TEP1: variants seen among roughly 807,000 people sequenced by gnomAD.
TEP1 encodes telomerase protein component 1.
In TEP1, 241 loss-of-function variants were observed where a neutral mutation model predicts 306.3. The observed-to-expected ratio is 0.79, with a 90% confidence interval of 0.71 to 0.88. The LOEUF is 0.88. Ranked by LOEUF, TEP1 falls within the 40% of genes least tolerant of loss-of-function variation. TEP1 has a pLI of 0.00. For missense variants in TEP1, 3,051 were observed against 3,276.1 expected (o/e 0.93, Z 1.68); for synonymous variants, 1,289 against 1,305.5 (o/e 0.99, Z 0.27).
intron 46 of TEP1, 51 bp downstream of exon 46, chr14:20,373,456 T>C (rs1431272409): frequency 6.2e-7 from 1 of 1,613,910 alleles, no homozygotes; most frequent in Admixed American, 1.7e-5. Context: ...CAGAAGGTTA[T>C]TCCGCATACC....
At chr14:20,384,757 A>C (rs1173450017) in intron 21 of TEP1, 44 bp from the exon 22 acceptor site, 4 of 1,577,852 alleles carry the variant, frequency 2.5e-6, no homozygotes, top group Non-Finnish European at 2.6e-6. Flanking sequence ...CTCAGACCCC[A>C]GCCAGCCTCC....
At chr14:20,387,547 G>A (rs570712065) in intron 18 of TEP1, among the ~76,000 whole-genome samples, 14 of 75,958 alleles carry the variant, frequency 1.8e-4, no homozygotes, top group South Asian at 8.5e-4. Flanking sequence ...GCGAGACTCC[G>A]TCTCAAAAAA....
At chr14:20,379,201 A>T in intron 35 of TEP1, 96 bp from the exon 36 acceptor site, 1 of 1,493,206 alleles carries the variant, frequency 6.7e-7, no homozygotes, top group Non-Finnish European at 9.0e-7. Context: ...GCCAAGGCAC[A>T]AAGGCCATGA....
At position 20,381,049 on chromosome 14, in the gene TEP1, A is replaced by T; in HGVS notation, c.4648-4T>A. The T allele has an allele frequency of 6.2e-7, 1 of 1,612,576 alleles. No individual in the cohort carries two copies. Among genetic ancestry groups the T allele is most frequent in the Non-Finnish European group, 8.5e-7 (1 of 1,178,556 alleles). On this transcript the variant is annotated splice_polypyrimidine_tract_variant and splice_region_variant and intron_variant, in intron 32 of 54. Coordinates refer to ENST00000262715, the MANE Select transcript of TEP1 (RefSeq NM_007110.5). The surrounding 1 kb of genome is among the most constrained non-coding windows in gnomAD (Gnocchi z 4.0). ...GTCCACGGTTCCCGCTCTGGAGCTG[A>T]GAAGGTCAGATTGAATTCATTAGGG... is the stretch of plus-strand genomic sequence containing the variant.
chr14:20,393,683 T>A (rs901147204), intron 12 of TEP1, among the ~76,000 whole-genome samples: 1 of 151,972 alleles, frequency 6.6e-6, no homozygotes, highest in Non-Finnish European at 1.5e-5. Context: ...TCCCAGCTAC[T>A]TGGGAGTCTG....
At chr14:20,386,335 G>A (rs746097653) in intron 19 of TEP1, 112 bp downstream of exon 19, 18 of 1,577,954 alleles carry the variant, frequency 1.1e-5, no homozygotes, top group Admixed American at 1.1e-4. Context: ...TCCAAGGAGC[G>A]ACTCCCGCCT....
Position 20,372,779 on chromosome 14 carries a change from C to T in TEP1, c.7030G>A (p.Glu2344Lys), listed in dbSNP as rs1480060166. The change falls in exon 49 of 55, where the codon GAG (glutamate) becomes AAG (lysine). Residue 2344 changes from glutamate to lysine, a missense_variant. Physicochemically the swap from Glu to Lys is moderately conservative, Grantham distance 56 (BLOSUM62 1). This residue lies in a region of TEP1 where 1,540 missense variants were observed against 1,705.9 expected (regional missense o/e 0.90). Coordinates refer to ENST00000262715, the MANE Select transcript of TEP1 (RefSeq NM_007110.5). ...CCCTTCCGCAGTTTCACTTGCCACT[C>T]GCTGATTTTCTCATCAGCACTGAGG... ...FVLSADEKISEWQVKLRKGSA... is the reference protein window; with the variant it reads ...FVLSADEKISKWQVKLRKGSA... The T allele has an allele frequency of 6.2e-6, 10 of 1,614,120 alleles. No homozygotes were observed. The highest frequency in any genetic ancestry group is 2.7e-5 in the African/African-American group (2 of 75,014).
chr14:20,382,520 G>A (rs1464199518), intron 28 of TEP1, 103 bp downstream of exon 28: 1 of 1,536,150 alleles, frequency 6.5e-7, no homozygotes, highest in Admixed American at 1.7e-5. Context: ...ATAGGGAGTG[G>A]GTGATCACAA....
intron 51 of TEP1, 34 bp from the exon 52 acceptor site, chr14:20,369,813 C>T (rs947681920): frequency 6.5e-7 from 1 of 1,538,506 alleles, no homozygotes; most frequent in Non-Finnish European, 9.0e-7. Context: ...TTTAGCCTAC[C>T]CATATGAGTC....
chr14:20,400,391 G>T (rs2139165513), intron 9 of TEP1, among the ~76,000 whole-genome samples: 1 of 150,856 alleles, frequency 6.6e-6, no homozygotes, highest in Admixed American at 6.6e-5. Flanking sequence ...TTTGAGACCA[G>T]CCTGGGCAAC....
chr14:20,377,183 C>G lies in TEP1; in HGVS notation c.6088+97G>C, dbSNP rs1225941356. ...TGAGCCGAGACCGTACCACTGCACT[C>G]TAGCCTGGGCAACAAGAGTGAAGCT... On this transcript the variant is annotated intron_variant, in intron 41 of 54. Coordinates refer to ENST00000262715, the MANE Select transcript of TEP1 (RefSeq NM_007110.5). The G allele has an allele frequency of 1.1e-5, 12 of 1,074,494 alleles. No homozygotes were observed. In the East Asian group the frequency reaches 2.9e-4, roughly 26 times the overall value. 66.6% of individuals were successfully genotyped at this position (1,074,494 alleles called of 1,614,324 possible). A position where few individuals can be genotyped will look rare whatever the true frequency, so the allele number is the denominator to read the frequency against.
At position 20,408,049 on chromosome 14, in the gene TEP1, G is replaced by C; in HGVS notation, c.391C>G (p.Leu131Val). The change falls in exon 2 of 55, where the codon CTA becomes GTA. Residue 131 changes from leucine to valine, a missense_variant. By Grantham distance (32) the Leu-to-Val change is conservative. Coordinates refer to ENST00000262715, the MANE Select transcript of TEP1 (RefSeq NM_007110.5). Reference sequence around the variant, plus strand: ...GCTTGCGTCATGTGAGATATCTGTAGACTCTGGAACAAGGGGCTGGCAGAC... The same window carrying C: ...GCTTGCGTCATGTGAGATATCTGTACACTCTGGAACAAGGGGCTGGCAGAC... ...TVSASPLFQSLQISHMTQADL... is the reference protein window; with the variant it reads ...TVSASPLFQSVQISHMTQADL... 2 of 1,614,208 alleles carry C rather than the reference G, an allele frequency of 1.2e-6. No individual in the cohort carries two copies. The highest frequency in any genetic ancestry group is 1.7e-6 in the Non-Finnish European group (2 of 1,180,042).
rs1446812877 is a variant in TEP1, at chr14:20,383,864, C to T, written c.3589G>A (p.Val1197Ile). 1 of 1,603,756 alleles carries T rather than the reference C, an allele frequency of 6.2e-7. No individual in the cohort carries two copies. The highest frequency in any genetic ancestry group is 2.2e-5 in the East Asian group (1 of 44,804). ...CGAGCCCCAGAAAAGTGGAAGAAGA[C>T]TAATGATGCCACCTTGGCCCCATCA... Reference protein sequence around the residue: ...APDGAKVASLVFFHFSGARPD... With the variant: ...APDGAKVASLIFFHFSGARPD... The change falls in exon 25 of 55, where the codon GTC becomes ATC. Residue 1197 changes from valine (V) to isoleucine (I), a missense_variant. Physicochemically the swap from Val to Ile is conservative, Grantham distance 29. Coordinates refer to ENST00000262715, the MANE Select transcript of TEP1 (RefSeq NM_007110.5).
At chr14:20,411,672 C>T (rs1259573203) in intron 1 of TEP1, among the ~76,000 whole-genome samples, 1 of 144,916 alleles carries the variant, frequency 6.9e-6, no homozygotes, top group Non-Finnish European at 1.5e-5. Context: ...AGCTATGGAG[C>T]TTTTTCACAG....
Position 20,382,264 on chromosome 14 carries a change from G to A in TEP1, c.4233C>T (p.Val1411=). The change falls in exon 29 of 55, where the codon GTC becomes GTT. Residue 1411 remains valine (V), a synonymous_variant. Coordinates refer to ENST00000262715, the MANE Select transcript of TEP1 (RefSeq NM_007110.5). ...STLEKEHGPD[V]LPQALTALEV... ...CTAGGGCAGTCAAGGCCTGGGGAAG[G>A]ACATCAGGCCCGTGCTCCTTCTCCA... The A allele has an allele frequency of 1.2e-6, 2 of 1,614,144 alleles. No individual in the cohort carries two copies.
Position 20,386,559 on chromosome 14 carries a change from G to C in TEP1, c.2749C>G (p.Leu917Val). ...AGTGCTGGCAGCACAGACCTCAGCA[G>C]CAGGTCCCGCTCCCCATGCATGTCT... The part of the protein sequence containing the change: ...FRDMHGERDL[L>V]LRSVLPALQA... The change falls in exon 19 of 55, where the codon CTG becomes GTG. Residue 917 changes from leucine to valine, a missense_variant. Physicochemically the swap from Leu to Val is conservative, Grantham distance 32 (BLOSUM62 1). This residue lies in a region of TEP1 where 1,507 missense variants were observed against 1,550.5 expected (regional missense o/e 0.97). Transcript: ENST00000262715. 2 of 1,612,610 alleles carry C rather than the reference G, an allele frequency of 1.2e-6. No individual in the cohort carries two copies. The highest frequency in any genetic ancestry group is 8.5e-7 in the Non-Finnish European group (1 of 1,178,964).
chr14:20,384,590 C>T lies in TEP1; in HGVS notation c.3221+10G>A. The T allele has an allele frequency of 6.2e-7, 1 of 1,614,004 alleles. No homozygotes were observed. Among genetic ancestry groups the T allele is most frequent in the Non-Finnish European group, 8.5e-7 (1 of 1,179,920 alleles). On this transcript the variant is annotated intron_variant, in intron 22 of 54. Transcript: ENST00000262715. The stretch of plus-strand genomic sequence containing the variant: ...CTCTGTACAGGTGCTCCCTACCTCC[C>T]TCAGCTCACCTGCGGCAGGTGATCC...
rs1320395960 is a variant in TEP1 at position 20,396,530 on chromosome 14, C to T, written c.1659+91G>A. The T allele has an allele frequency of 8.3e-6, 9 of 1,086,308 alleles. No homozygotes were observed. The Admixed American group carries it at 1.8e-4, about 21-fold the overall frequency. 67.3% of individuals were successfully genotyped at this position (1,086,308 alleles called of 1,614,324 possible). On this transcript the variant is annotated intron_variant, in intron 10 of 54. Coordinates refer to ENST00000262715, the MANE Select transcript of TEP1 (RefSeq NM_007110.5). ...TTGAGGGCCGTACCTGCCTCTGCCC[C>T]CTGAAAAAGCCTGGCCTCTAAAGCA...
At chr14:20,403,690 G>C in intron 6 of TEP1, 33 bp downstream of exon 6, 7 of 1,612,468 alleles carry the variant, frequency 4.3e-6, no homozygotes, top group Non-Finnish European at 5.9e-6. Context: ...TGGAGAAAAG[G>C]GGCGTGGGTC....
Sources: gnomAD v4.1 joint callset for allele counts (sites outside exome capture counted in the v4.1 genomes callset) on GRCh38, gnomAD v4.1.1 for gene constraint, gnomAD v4.1.1 regional missense constraint, Gnocchi (gnomAD v3.1) non-coding constraint, MANE v1.5 for transcripts, NCBI Gene and HGNC (gene_info 2026-07-23, HGNC 2026-07-21) for gene names.